IARS1: variants seen among roughly 807,000 people sequenced by gnomAD.
The protein encoded by IARS1 is isoleucine--tRNA ligase, cytoplasmic.
IARS1 carries 124 observed loss-of-function variants against 168.2 expected under a neutral mutation model. The ratio of observed to expected loss-of-function variants is 0.74; its 90% CI spans 0.64 to 0.86. The LOEUF is 0.86. Among genes scored for constraint, IARS1 ranks in the 40% least tolerant of loss-of-function variants. IARS1 has a pLI of 0.00. For synonymous variants in IARS1, 532 were observed against 529.4 expected (o/e 1.00, Z -0.07); for missense variants, 1,452 against 1,515.8 (o/e 0.96, Z 0.70).
chr9:92,237,347 TTATTA>T (rs1827691440), intron 30 of IARS1, among the ~76,000 whole-genome samples: 1 of 152,314 alleles, frequency 6.6e-6, no homozygotes, highest in South Asian at 2.1e-4. Context: ...GAGATTTTCA[TTATTA>T]TATTACTAAT....
intron 21 of IARS1, among the ~76,000 whole-genome samples, 171 bp downstream of exon 21, chr9:92,253,191 T>C (rs548668016): frequency 5.9e-5 from 9 of 152,196 alleles, no homozygotes; most frequent in Non-Finnish European, 1.3e-4. Flanking sequence ...TAGATCCCTA[T>C]CCCTCAAATG....
At chr9:92,263,170 C>T (rs1445604512) in intron 16 of IARS1, 115 bp from the exon 17 acceptor site, 2 of 695,790 alleles carry the variant, frequency 2.9e-6, no homozygotes, top group Non-Finnish European at 5.0e-6. Flanking sequence ...TCTTGAGAAT[C>T]ACTTAAAGCA....
intron 25 of IARS1, among the ~76,000 whole-genome samples, chr9:92,248,652 CAAAAAA>C (rs886459066): frequency 8.6e-5 from 4 of 46,744 alleles, no homozygotes; most frequent in African/African-American, 1.6e-4. Context: ...GACCCTGTCA[CAAAAAA>C]AAAAAAAAAA....
At chr9:92,278,095 G>T in intron 8 of IARS1, 104 bp downstream of exon 8, 1 of 1,084,456 alleles carries the variant, frequency 9.2e-7, no homozygotes, top group South Asian at 1.3e-5. Flanking sequence ...AACTAAATTT[G>T]AATAATGCAA....
At chr9:92,293,033 C>T (rs1836629958) in intron 1 of IARS1, among the ~76,000 whole-genome samples, 1 of 152,208 alleles carries the variant, frequency 6.6e-6, no homozygotes, top group South Asian at 2.1e-4. Flanking sequence ...TCTGTTCCCC[C>T]TTTTCATTCT....
chr9:92,293,333 T>C (rs149595272), intron 1 of IARS1: 149 of 299,114 alleles, frequency 5.0e-4, no homozygotes, highest in African/African-American at 3.3e-3. Flanking sequence ...TTGAAGGTAA[T>C]AAATTAAGAC....
rs956054643 is a variant in IARS1, at chr9:92,218,123, C to T, written c.3706+4397G>A. On this transcript the variant is annotated intron_variant, in intron 33 of 33. Transcript: ENST00000443024. ...TGGGATGCAAGGCTGGTTCAATATA[C>T]GCAAATCAGTAAATGTAATCCAGCA... Among the ~76,000 whole-genome samples, 42 of 152,002 alleles carry T rather than the reference C, an allele frequency of 2.8e-4. 1 individual carries two copies. Among genetic ancestry groups the T allele is most frequent in the African/African-American group, 8.9e-4 (37 of 41,386 alleles).
Position 92,245,033 on chromosome 9 carries a change from C to T in IARS1, c.2830G>A (p.Asp944Asn). Reference sequence around the variant, plus strand: ...TCAAAGGTGTACATGAGGCGGATGTCTTCATCGTGCAATTCATGGCCTTCC... The same window carrying T: ...TCAAAGGTGTACATGAGGCGGATGTTTTCATCGTGCAATTCATGGCCTTCC... Reference protein sequence around the residue: ...VVEGHELHDEDIRLMYTFDQA... With the variant: ...VVEGHELHDENIRLMYTFDQA... The change falls in exon 27 of 34, where the codon GAC (aspartate) becomes AAC (asparagine). Residue 944 changes from aspartate (D) to asparagine (N), a missense_variant. Transcript: ENST00000443024. 1 of 1,614,204 alleles carries T rather than the reference C, an allele frequency of 6.2e-7. No individual in the cohort carries two copies. The highest frequency in any genetic ancestry group is 8.5e-7 in the Non-Finnish European group (1 of 1,180,034).
intron 33 of IARS1, among the ~76,000 whole-genome samples, chr9:92,213,170 C>T (rs1838050587): frequency 1.3e-5 from 2 of 151,894 alleles, no homozygotes; most frequent in South Asian, 2.1e-4. Flanking sequence ...GAGAATTACA[C>T]AGAGGCCAAA....
chr9:92,231,224 T>C (rs1303805922), intron 30 of IARS1, among the ~76,000 whole-genome samples: 1 of 152,226 alleles, frequency 6.6e-6, no homozygotes, highest in Non-Finnish European at 1.5e-5. Context: ...CCTAAGTAAG[T>C]AACCTTAATT....
intron 33 of IARS1, among the ~76,000 whole-genome samples, chr9:92,214,828 G>A (rs1187125698): frequency 7.9e-5 from 12 of 152,228 alleles, no homozygotes; most frequent in African/African-American, 2.4e-4. Flanking sequence ...ACTGCAAGGC[G>A]GCAGCAAGGC....
At chr9:92,244,712 C>T (rs1305295748) in intron 27 of IARS1, among the ~76,000 whole-genome samples, 2 of 152,164 alleles carry the variant, frequency 1.3e-5, no homozygotes, top group Non-Finnish European at 2.9e-5. Context: ...TTTTGTGCAA[C>T]CCCACACTTG....
intron 33 of IARS1, among the ~76,000 whole-genome samples, chr9:92,211,365 C>T (rs1837732849): frequency 6.6e-6 from 1 of 152,168 alleles, no homozygotes. Flanking sequence ...CTCTCTCTCT[C>T]ACTCTCGCTG....
intron 33 of IARS1, 80 bp downstream of exon 33, chr9:92,222,440 T>G: frequency 9.1e-7 from 1 of 1,094,328 alleles, no homozygotes; most frequent in Non-Finnish European, 1.4e-6. Context: ...CTATCTTACA[T>G]GTATATGCTA....
At chr9:92,253,125 T>C (rs1830248908) in intron 21 of IARS1, among the ~76,000 whole-genome samples, 2 of 152,200 alleles carry the variant, frequency 1.3e-5, no homozygotes, top group Non-Finnish European at 2.9e-5. Context: ...CTCCCTCCAA[T>C]ATGACATGTA....
chr9:92,278,356 A>C (rs758171487), intron 7 of IARS1, 70 bp from the exon 8 acceptor site: 35 of 1,052,074 alleles, frequency 3.3e-5, no homozygotes, highest in Non-Finnish European at 4.9e-5. Context: ...GACATGCATC[A>C]AGCATACTTT....
At chr9:92,240,783 T>A (rs1828271744) in intron 30 of IARS1, 73 bp downstream of exon 30, 1 of 849,118 alleles carries the variant, frequency 1.2e-6, no homozygotes, top group Non-Finnish European at 2.0e-6. Context: ...ATCCATAAGT[T>A]TTTTTGGTTG....
rs763021156 is a variant in IARS1 at position 92,247,479 on chromosome 9, C to G, written c.2689G>C (p.Asp897His). ...AGACGCTTCCCCAGGACCATGTGAT[C>G]TGGTTCTGCCCTTAGCCGAATGCCA... ...KYGIRLRAEP[D>H]HMVLGKRLKG... is the part of the protein sequence containing the mutation. The change falls in exon 26 of 34, where the codon GAT becomes CAT. Residue 897 changes from aspartate (D) to histidine (H), a missense_variant. Asp to His is a moderately conservative substitution (Grantham distance 81, BLOSUM62 -1). Coordinates refer to ENST00000443024, the MANE Select transcript of IARS1 (RefSeq NM_002161.6). The G allele has an allele frequency of 1.4e-5, 22 of 1,614,054 alleles. No homozygotes were observed. The highest frequency in any genetic ancestry group is 1.9e-5 in the Non-Finnish European group (22 of 1,180,024).
Position 92,223,381 on chromosome 9 carries a change from T to A in IARS1, c.3518A>T (p.Tyr1173Phe). The A allele has an allele frequency of 1.2e-6, 2 of 1,613,930 alleles. No homozygotes were observed. Among genetic ancestry groups the A allele is most frequent in the Non-Finnish European group, 1.7e-6 (2 of 1,179,850 alleles). The change falls in exon 32 of 34, where the codon TAT becomes TTT. Residue 1173 changes from tyrosine (Y) to phenylalanine (F), a missense_variant. Coordinates refer to ENST00000443024, the MANE Select transcript of IARS1 (RefSeq NM_002161.6). ...TGCATTCAGGAGCTGTAGGTTGATA[T>A]ACTGACAAAGAAGAGTACTAGAACT... Reference protein sequence around the residue: ...INSSSTLLCQYINLQLLNAKP... With the variant: ...INSSSTLLCQFINLQLLNAKP...
Sources: allele counts gnomAD v4.1 joint callset (sites outside exome capture counted in the v4.1 genomes callset), GRCh38; gene constraint gnomAD v4.1.1; transcripts MANE v1.5; gene names NCBI Gene and HGNC (gene_info 2026-07-23, HGNC 2026-07-21).